ZNF385D: variants seen among roughly 807,000 people sequenced by gnomAD.
ZNF385D encodes zinc finger protein 659.
A neutral mutation model predicts 35.8 loss-of-function variants in ZNF385D; 15 were observed. That is an observed-to-expected ratio of 0.42 (90% CI 0.28 to 0.64). ZNF385D has a LOEUF of 0.64. Among genes scored for constraint, ZNF385D ranks in the 30% least tolerant of loss-of-function variants. The pLI is 0.23. For missense variants in ZNF385D, 474 were observed against 494.6 expected (o/e 0.96, Z 0.39); for synonymous variants, 212 against 186.8 (o/e 1.13, Z -1.10).
chr3:22,184,722 G>C (rs967531376), intron 2 of ZNF385D, among the ~76,000 whole-genome samples: 1 of 152,140 alleles, frequency 6.6e-6, no homozygotes, highest in African/African-American at 2.4e-5. Flanking sequence ...AGCTACTCAG[G>C]AGGCTGAGGT....
intron 3 of ZNF385D, among the ~76,000 whole-genome samples, chr3:21,923,753 G>T (rs140343002): frequency 6.6e-6 from 1 of 152,204 alleles, no homozygotes; most frequent in African/African-American, 2.4e-5. Flanking sequence ...AGTTAATGCA[G>T]GAACAGAAAA....
chr3:22,001,925 C>T (rs1682932438), intron 3 of ZNF385D, among the ~76,000 whole-genome samples: 1 of 151,496 alleles, frequency 6.6e-6, no homozygotes, highest in Non-Finnish European at 1.5e-5. Flanking sequence ...CATACTAAAT[C>T]CTATGCAATA....
intron 2 of ZNF385D, among the ~76,000 whole-genome samples, chr3:22,372,263 C>A (rs1696945132): frequency 6.6e-6 from 1 of 152,052 alleles, no homozygotes; most frequent in Admixed American, 6.6e-5. Context: ...GTGTGTGGAC[C>A]GATAGTGCGG....
intron 3 of ZNF385D, among the ~76,000 whole-genome samples, chr3:22,140,105 T>C (rs977275217): frequency 3.3e-5 from 5 of 152,202 alleles, no homozygotes; most frequent in Non-Finnish European, 5.9e-5. Flanking sequence ...CTAAATATCC[T>C]AGAGAAACGA....
intron 2 of ZNF385D, among the ~76,000 whole-genome samples, chr3:22,302,926 C>A (rs1478743021): frequency 6.6e-6 from 1 of 151,878 alleles, no homozygotes; most frequent in Non-Finnish European, 1.5e-5. Context: ...AGGGAGTTTT[C>A]ATCTGTTCTT....
intron 3 of ZNF385D, among the ~76,000 whole-genome samples, chr3:21,887,501 T>C (rs1024657171): frequency 2.0e-5 from 3 of 152,160 alleles, no homozygotes; most frequent in African/African-American, 7.2e-5. Flanking sequence ...AACACTTTGT[T>C]TTAGTTTTTA....
intron 3 of ZNF385D, among the ~76,000 whole-genome samples, chr3:22,071,135 C>A (rs979434907): frequency 6.6e-6 from 1 of 152,128 alleles, no homozygotes; most frequent in Non-Finnish European, 1.5e-5. Context: ...CCTGGCTTTG[C>A]ACAGCAATAA....
At chr3:21,585,241 TTTCTAAGTAACATTTTGCC>T (rs1229954294) in intron 2 of ZNF385D, among the ~76,000 whole-genome samples, 1 of 152,186 alleles carries the variant, frequency 6.6e-6, no homozygotes, top group East Asian at 1.9e-4. Flanking sequence ...AATAATAGGC[TTTCTAAGTAACATTTTGCC>T]ATCAAGAACA....
intron 4 of ZNF385D, among the ~76,000 whole-genome samples, chr3:21,481,066 A>C (rs1228681943): frequency 6.6e-6 from 1 of 152,326 alleles, no homozygotes; most frequent in East Asian, 1.9e-4. Context: ...GGTGAGAAAC[A>C]AAAAGCTGTC....
At chr3:21,936,544 T>A (rs151270149) in intron 3 of ZNF385D, among the ~76,000 whole-genome samples, 380 of 152,274 alleles carry the variant, frequency 2.5e-3, no homozygotes, top group African/African-American at 8.6e-3. Context: ...TAGTTTTTTT[T>A]ATAGCATTTA....
intron 1 of ZNF385D, among the ~76,000 whole-genome samples, chr3:21,718,673 TTC>T (rs1337363776): frequency 4.6e-5 from 7 of 152,184 alleles, no homozygotes; most frequent in Non-Finnish European, 1.0e-4. Flanking sequence ...GACATTCAAA[TTC>T]CAGAGGCCAA....
chr3:21,931,809 T>C (rs1419229007), intron 3 of ZNF385D, among the ~76,000 whole-genome samples: 1 of 152,164 alleles, frequency 6.6e-6, no homozygotes, highest in Non-Finnish European at 1.5e-5. Flanking sequence ...CATTGGATTG[T>C]ACACTTAAGT....
At chr3:21,882,310 C>A (rs1339023222) in intron 3 of ZNF385D, among the ~76,000 whole-genome samples, 2 of 151,956 alleles carry the variant, frequency 1.3e-5, no homozygotes, top group South Asian at 2.1e-4. Context: ...GTTCAGCCAG[C>A]AGGCATCAAC....
intron 3 of ZNF385D, among the ~76,000 whole-genome samples, chr3:22,072,766 G>C (rs3919888): frequency 0.32 from 49,065 of 151,576 alleles, 8,159 homozygotes; most frequent in Non-Finnish European, 0.34. Flanking sequence ...TTGAAGGTTG[G>C]GAGAAGGAAG....
At chr3:21,595,564 C>T (rs1344258873) in intron 2 of ZNF385D, among the ~76,000 whole-genome samples, 3 of 151,470 alleles carry the variant, frequency 2.0e-5, no homozygotes, top group Admixed American at 6.6e-5. Context: ...ATACCTACTA[C>T]GTGAGCAATG....
In ZNF385D at chr3:21,827,351, C is replaced by T. The variant is rs188999731; in HGVS notation, c.326-162323G>A. ...ATAAACACATACACACATATACACA[C>T]GCATATATATTAACTGTATATATAC... On this transcript the variant is annotated intron_variant, in intron 3 of 5. Transcript: ENST00000494108. Among the ~76,000 whole-genome samples the T allele has an allele frequency of 1.2e-4, 18 of 152,200 alleles. No homozygotes were observed. The East Asian group carries it at 1.4e-3, about 11-fold the overall frequency.
chr3:21,851,222 T>C (rs1389989245), intron 3 of ZNF385D, among the ~76,000 whole-genome samples: 3 of 152,174 alleles, frequency 2.0e-5, no homozygotes, highest in South Asian at 2.1e-4. Context: ...ATGGCCTTGA[T>C]AGCTGATCAG....
chr3:22,230,805 G>A (rs1304215572), intron 2 of ZNF385D, among the ~76,000 whole-genome samples: 2 of 152,184 alleles, frequency 1.3e-5, no homozygotes, highest in African/African-American at 4.8e-5. Flanking sequence ...AAATTGTCAT[G>A]AGTTACAAGT....
intron 3 of ZNF385D, among the ~76,000 whole-genome samples, chr3:21,523,744 A>G (rs1022100150): frequency 6.6e-6 from 1 of 151,394 alleles, no homozygotes; most frequent in Non-Finnish European, 1.5e-5. Context: ...TATGTTCTCT[A>G]TTCTGTTAAC....
Sources: gnomAD v4.1 joint callset for allele counts (sites outside exome capture counted in the v4.1 genomes callset) on GRCh38, gnomAD v4.1.1 for gene constraint, MANE v1.5 for transcripts, NCBI Gene and HGNC (gene_info 2026-07-23, HGNC 2026-07-21) for gene names.